Variants in PTPRD observed in about 807,000 individuals in gnomAD.
The protein encoded by PTPRD is protein tyrosine phosphatase receptor type D.
Under a neutral mutation model 214.5 loss-of-function variants are expected in PTPRD, and 34 were observed. The ratio of observed to expected loss-of-function variants is 0.16; its 90% CI spans 0.12 to 0.21. PTPRD has a LOEUF of 0.21. Ranked by LOEUF, PTPRD falls within the 10% of genes least tolerant of loss-of-function variation. PTPRD has a pLI of 1.00. For missense variants in PTPRD, 2,545 were observed against 2,398.7 expected, an observed-to-expected ratio of 1.06 and a Z score of -1.27; for synonymous variants, 1,128 against 845.7, an observed-to-expected ratio of 1.33 and a Z score of -5.79.
rs1032045827 is a variant in PTPRD, at chr9:8,525,192, G to A, written c.569-157C>T. ...CTAAGTTGCACAGACAGAAAATGAT[G>A]CGATGAGAAAAACATATAGAGATTA... On this transcript the variant is annotated intron_variant, in intron 17 of 45. Transcript: ENST00000381196. 3 of 756,430 alleles carry A rather than the reference G, an allele frequency of 4.0e-6. No homozygotes were observed. The Admixed American group carries it at 5.3e-5, about 13-fold the overall frequency. The allele number at this position is 756,430 out of a possible 1,614,324, so 46.9% of individuals were successfully genotyped here. A position where few individuals can be genotyped will look rare whatever the true frequency, so the allele number is the denominator to read the frequency against.
intron 5 of PTPRD, among the ~76,000 whole-genome samples, chr9:9,907,219 A>G (rs965702169): frequency 6.6e-6 from 1 of 151,910 alleles, no homozygotes; most frequent in Non-Finnish European, 1.5e-5. Flanking sequence ...CAATTGTCAT[A>G]TACATGATGA....
At chr9:9,202,424 C>G (rs2099942417) in intron 9 of PTPRD, among the ~76,000 whole-genome samples, 2 of 152,160 alleles carry the variant, frequency 1.3e-5, no homozygotes, top group Non-Finnish European at 2.9e-5. Context: ...TCCCTGACAG[C>G]TGTTTTCCAG....
intron 4 of PTPRD, among the ~76,000 whole-genome samples, chr9:10,007,018 C>A (rs1306368801): frequency 6.6e-6 from 1 of 151,926 alleles, no homozygotes; most frequent in African/African-American, 2.4e-5. Context: ...GATATACCAA[C>A]TCTCTTGATG....
At chr9:10,528,644 G>T (rs2055107609) in intron 2 of PTPRD, among the ~76,000 whole-genome samples, 1 of 152,128 alleles carries the variant, frequency 6.6e-6, no homozygotes, top group Admixed American at 6.6e-5. Flanking sequence ...CACCTAAATG[G>T]CATGCACATA....
intron 3 of PTPRD, among the ~76,000 whole-genome samples, chr9:10,177,528 G>T (rs888720687): frequency 1.3e-5 from 2 of 151,604 alleles, no homozygotes; most frequent in Admixed American, 6.6e-5. Context: ...AAAACAAATG[G>T]AAAGATAGGC....
chr9:8,652,152 A>C (rs1354048572), intron 12 of PTPRD, among the ~76,000 whole-genome samples: 1 of 152,222 alleles, frequency 6.6e-6, no homozygotes, highest in Non-Finnish European at 1.5e-5. Flanking sequence ...ATTTTCCCAC[A>C]CAGAAATAAA....
At chr9:10,217,559 A>C (rs950862176) in intron 3 of PTPRD, among the ~76,000 whole-genome samples, 3 of 151,926 alleles carry the variant, frequency 2.0e-5, no homozygotes, top group African/African-American at 7.2e-5. Context: ...AAAATATTCT[A>C]CTGTAGGAGG....
intron 12 of PTPRD, among the ~76,000 whole-genome samples, chr9:8,709,872 T>C (rs1284171757): frequency 2.0e-5 from 3 of 152,158 alleles, no homozygotes; most frequent in East Asian, 3.9e-4. Flanking sequence ...GCAATAAAGA[T>C]GGGCAAATGA....
chr9:10,567,887 C>T (rs1484288003), intron 2 of PTPRD, among the ~76,000 whole-genome samples: 2 of 149,074 alleles, frequency 1.3e-5, no homozygotes. Flanking sequence ...ATGATTTTTG[C>T]ATTTTTTTGT....
intron 7 of PTPRD, among the ~76,000 whole-genome samples, chr9:9,647,183 T>C (rs1287208368): frequency 6.6e-6 from 1 of 152,000 alleles, no homozygotes; most frequent in South Asian, 2.1e-4. Context: ...TTCCCCCCCC[T>C]CTTTCTAGTC....
chr9:10,088,085 C>G (rs1019200507), intron 3 of PTPRD, among the ~76,000 whole-genome samples: 1 of 151,708 alleles, frequency 6.6e-6, no homozygotes, highest in African/African-American at 2.4e-5. Flanking sequence ...CACGAATTTA[C>G]TTATTCAACT....
chr9:10,069,263 G>A (rs1455786453), intron 3 of PTPRD, among the ~76,000 whole-genome samples: 5 of 151,944 alleles, frequency 3.3e-5, no homozygotes, highest in African/African-American at 7.2e-5. Context: ...ATATAAGAAG[G>A]CAACAAGGTC....
intron 9 of PTPRD, among the ~76,000 whole-genome samples, chr9:9,199,874 G>T (rs897020557): frequency 6.6e-6 from 1 of 152,050 alleles, no homozygotes; most frequent in Non-Finnish European, 1.5e-5. Flanking sequence ...TACTGGACTT[G>T]GCATTAGAGA....
At chr9:8,913,089 C>A (rs945752225) in intron 11 of PTPRD, among the ~76,000 whole-genome samples, 2 of 151,972 alleles carry the variant, frequency 1.3e-5, no homozygotes, top group African/African-American at 2.4e-5. Flanking sequence ...CTTTGTAATT[C>A]TCTTTTCTTC....
chr9:8,989,880 C>T (rs775141886), intron 11 of PTPRD, among the ~76,000 whole-genome samples: 3 of 152,024 alleles, frequency 2.0e-5, no homozygotes, highest in Non-Finnish European at 4.4e-5. Context: ...ATGATTTAAT[C>T]TTAAAATGAA....
In PTPRD at chr9:9,195,111, C is replaced by A. The variant is rs1003803870; in HGVS notation, c.-202-11748G>T. ...GTATATATATATATATATATATACA[C>A]ACACACACATATACATACATACCCA... On this transcript the variant is annotated intron_variant, in intron 9 of 45. Transcript: ENST00000381196. Among the ~76,000 whole-genome samples the A allele has an allele frequency of 6.7e-5, 7 of 104,708 alleles. No individual in the cohort carries two copies. The East Asian group carries it at 3.2e-3, about 47-fold the overall frequency. The allele number at this position is 104,708 out of a possible 152,430, so 68.7% of individuals were successfully genotyped here.
At chr9:8,786,143 G>A (rs1280382783) in intron 11 of PTPRD, among the ~76,000 whole-genome samples, 2 of 151,964 alleles carry the variant, frequency 1.3e-5, no homozygotes, top group African/African-American at 4.8e-5. Flanking sequence ...TAGGGTGGGA[G>A]GGATTCAGCA....
intron 2 of PTPRD, among the ~76,000 whole-genome samples, chr9:10,491,516 C>CA (rs2040226063): frequency 2.0e-5 from 3 of 151,586 alleles, no homozygotes; most frequent in Admixed American, 1.3e-4. Context: ...ATTTTTATTG[C>CA]ATGCCTACAA....
chr9:9,510,312 A>G (rs925921861), intron 8 of PTPRD, among the ~76,000 whole-genome samples: 7 of 151,596 alleles, frequency 4.6e-5, no homozygotes, highest in Admixed American at 1.3e-4. Context: ...TCTGTAAGAC[A>G]CACTATAAAC....
Sources: gnomAD v4.1 joint callset for allele counts (sites outside exome capture counted in the v4.1 genomes callset) on GRCh38, gnomAD v4.1.1 for gene constraint, MANE v1.5 for transcripts, NCBI Gene and HGNC (gene_info 2026-07-23, HGNC 2026-07-21) for gene names.